Variants in SLC20A2 observed in about 807,000 individuals in gnomAD.
SLC20A2 encodes the protein solute carrier family 20 member 2.
Under a neutral mutation model 61.0 loss-of-function variants are expected in SLC20A2, and 30 were observed. The ratio of observed to expected loss-of-function variants is 0.49; its 90% CI spans 0.37 to 0.67. The LOEUF is 0.67. Ranked by LOEUF, SLC20A2 falls within the 30% of genes least tolerant of loss-of-function variation. The pLI is 0.00. For synonymous variants in SLC20A2, 351 were observed against 353.3 expected (o/e 0.99, Z 0.07); for missense variants, 626 against 866.4 (o/e 0.72, Z 3.48).
intron 5 of SLC20A2, among the ~76,000 whole-genome samples, chr8:42,449,921 T>C (rs1215137347): frequency 1.3e-5 from 2 of 152,210 alleles, no homozygotes; most frequent in African/African-American, 4.8e-5. Flanking sequence ...CTTTTGTTTG[T>C]CACATAACAA....
At chr8:42,453,312 C>A (rs1427977120) in intron 5 of SLC20A2, among the ~76,000 whole-genome samples, 1 of 152,168 alleles carries the variant, frequency 6.6e-6, no homozygotes, top group Non-Finnish European at 1.5e-5. Context: ...TTAGTCCTTG[C>A]AAGTCATTTT....
At chr8:42,446,796 T>G (rs1319722229) in intron 5 of SLC20A2, among the ~76,000 whole-genome samples, 2 of 152,090 alleles carry the variant, frequency 1.3e-5, no homozygotes, top group Admixed American at 6.6e-5. Flanking sequence ...CATACCTTTA[T>G]AGTGGTAACT....
At chr8:42,535,481 T>C (rs182752514) in intron 1 of SLC20A2, 1 of 152,252 alleles carries the variant, frequency 6.6e-6, no homozygotes, top group East Asian at 1.9e-4. Flanking sequence ...GTTTTAAGTA[T>C]ACAATATTTT....
intron 5 of SLC20A2, among the ~76,000 whole-genome samples, chr8:42,450,398 T>C (rs982544390): frequency 1.3e-5 from 2 of 151,954 alleles, no homozygotes; most frequent in Non-Finnish European, 2.9e-5. Flanking sequence ...CAGCTAATTT[T>C]TGTATTTTTA....
At chr8:42,447,718 A>G (rs553135035) in intron 5 of SLC20A2, among the ~76,000 whole-genome samples, 62 of 152,332 alleles carry the variant, frequency 4.1e-4, no homozygotes, top group Middle Eastern at 3.4e-3. Flanking sequence ...AAGAGATAGT[A>G]TGAATAGAAT....
At chr8:42,455,663 T>A (rs1007655687) in intron 5 of SLC20A2, among the ~76,000 whole-genome samples, 1 of 151,718 alleles carries the variant, frequency 6.6e-6, no homozygotes, top group Non-Finnish European at 1.5e-5. Context: ...AAAAAAAAAA[T>A]TTGTTAAGGT....
chr8:42,540,423 A>G (rs1307212395), intron 1 of SLC20A2, among the ~76,000 whole-genome samples: 1 of 152,220 alleles, frequency 6.6e-6, no homozygotes, highest in East Asian at 1.9e-4. Flanking sequence ...CCGGCAAACA[A>G]TCAGTACTCA....
At chr8:42,511,495 C>T (rs1312102095) in intron 1 of SLC20A2, among the ~76,000 whole-genome samples, 3 of 151,910 alleles carry the variant, frequency 2.0e-5, no homozygotes, top group South Asian at 4.2e-4. Context: ...GGCGTGGTAG[C>T]GGGTGCCTGT....
chr8:42,491,532 A>G (rs1000275350), intron 1 of SLC20A2, among the ~76,000 whole-genome samples: 1 of 151,552 alleles, frequency 6.6e-6, no homozygotes, highest in African/African-American at 2.4e-5. Flanking sequence ...TTAGCTGGGC[A>G]TGGTGGCGGG....
At chr8:42,427,857 T>C (rs2130952282) in intron 10 of SLC20A2, among the ~76,000 whole-genome samples, 1 of 152,334 alleles carries the variant, frequency 6.6e-6, no homozygotes, top group Admixed American at 6.5e-5. Context: ...GGCTCATATA[T>C]TCCTCCTGGT....
intron 1 of SLC20A2, among the ~76,000 whole-genome samples, chr8:42,526,342 T>C (rs1811931048): frequency 6.6e-6 from 1 of 151,160 alleles, no homozygotes; most frequent in Non-Finnish European, 1.5e-5. Flanking sequence ...AACTGAAAAC[T>C]GTCAAGGTCA....
At chr8:42,508,005 C>T (rs930875614) in intron 1 of SLC20A2, among the ~76,000 whole-genome samples, 14 of 151,332 alleles carry the variant, frequency 9.3e-5, no homozygotes, top group Admixed American at 5.9e-4. Flanking sequence ...ACTAAAAATA[C>T]AAAAAAAATT....
At chr8:42,522,912 G>C (rs74200673) in intron 1 of SLC20A2, among the ~76,000 whole-genome samples, 5 of 148,888 alleles carry the variant, frequency 3.4e-5, no homozygotes, top group Non-Finnish European at 5.9e-5. Flanking sequence ...GGCGGGGTGG[G>C]GGGGGTCTCT....
At chr8:42,456,278 A>C (rs1429535844) in intron 5 of SLC20A2, among the ~76,000 whole-genome samples, 1 of 152,218 alleles carries the variant, frequency 6.6e-6, no homozygotes, top group East Asian at 1.9e-4. Flanking sequence ...AAAAAACCCC[A>C]TCCATATTGA....
intron 5 of SLC20A2, among the ~76,000 whole-genome samples, chr8:42,455,865 A>C (rs549802014): frequency 5.3e-5 from 8 of 152,272 alleles, no homozygotes; most frequent in African/African-American, 1.9e-4. Context: ...GCCCTGCCTC[A>C]GTTTCCCACC....
intron 1 of SLC20A2, chr8:42,480,646 C>T (rs1226528826): frequency 6.6e-6 from 1 of 152,044 alleles, no homozygotes; most frequent in Non-Finnish European, 1.5e-5. Flanking sequence ...CTACTATATT[C>T]CAGTTATTTA....
At chr8:42,462,977 T>C in intron 4 of SLC20A2, 28 bp downstream of exon 4, 3 of 1,409,536 alleles carry the variant, frequency 2.1e-6, no homozygotes, top group Non-Finnish European at 2.9e-6. Context: ...GTTCTTAAGA[T>C]TTAATTAAAA....
intron 6 of SLC20A2, among the ~76,000 whole-genome samples, chr8:42,443,620 A>G (rs1272647959): frequency 1.3e-5 from 2 of 151,950 alleles, no homozygotes; most frequent in Non-Finnish European, 2.9e-5. Flanking sequence ...GTAAGCCACC[A>G]TGCCCAGCCA....
chr8:42,428,669 G>A, intron 10 of SLC20A2, 89 bp downstream of exon 10: 1 of 1,137,708 alleles, frequency 8.8e-7, no homozygotes, highest in Non-Finnish European at 1.3e-6. Context: ...ACCATCTACA[G>A]AGCCCTACAG....
Sources: allele counts gnomAD v4.1 joint callset (sites outside exome capture counted in the v4.1 genomes callset), GRCh38; gene constraint gnomAD v4.1.1; transcripts MANE v1.5; gene names NCBI Gene and HGNC (gene_info 2026-07-23, HGNC 2026-07-21).